Variants in KCNN4 observed in about 807,000 individuals in gnomAD.
KCNN4 encodes the protein intermediate conductance calcium-activated potassium channel protein 4.
A neutral mutation model predicts 45.2 loss-of-function variants in KCNN4; 31 were observed. That is an observed-to-expected ratio of 0.69 (90% CI 0.52 to 0.92). The LOEUF (loss-of-function observed/expected upper bound fraction) is 0.92. KCNN4 is among the 40% of genes least tolerant of loss of function. The pLI is 0.00. For synonymous variants in KCNN4, 231 were observed against 254.6 expected, an observed-to-expected ratio of 0.91 and a Z score of 0.88; for missense variants, 463 against 574.0, an observed-to-expected ratio of 0.81 and a Z score of 1.98.
intron 1 of KCNN4, among the ~76,000 whole-genome samples, chr19:43,777,959 G>A (rs1462605895): frequency 6.6e-6 from 1 of 152,166 alleles, no homozygotes; most frequent in Non-Finnish European, 1.5e-5. Flanking sequence ...CCCCCTATCA[G>A]AACAATAGTG....
intron 7 of KCNN4, 45 bp from the exon 8 acceptor site, chr19:43,767,752 C>G: frequency 6.2e-7 from 1 of 1,609,546 alleles, no homozygotes. Flanking sequence ...TGGGGTCGAC[C>G]CCCACCTACT....
intron 2 of KCNN4, 124 bp downstream of exon 2, chr19:43,776,417 G>A (rs891320175): frequency 4.2e-5 from 29 of 696,362 alleles, no homozygotes; most frequent in Non-Finnish European, 6.0e-5. Flanking sequence ...GGGTGTGGAC[G>A]CAGCACCTAG....
rs76935412 is a variant in KCNN4, at chr19:43,769,473, G to T, written c.1018C>A (p.His340Asn). Residue 340 changes from histidine (H) to asparagine (N), a missense_variant, in exon 6 of 9, where the codon CAT becomes AAT. Coordinates refer to ENST00000648319, the MANE Select transcript of KCNN4 (RefSeq NM_002250.3). This position sits in a 1 kb window ranked among gnomAD's most constrained non-coding sequence, Gnocchi z 4.4. ...ATGGCGGCCAGCAGCTTGCGCTGAT[G>T]CCTGCGGGCAGCATGAGACTCCTTC... ...RRKESHAARR[H>N]QRKLLAAINA... 1.2e-3 allele frequency: 1,927 copies of T among 1,614,232 alleles called. 4 individuals carry two copies. The highest frequency in any genetic ancestry group is 8.6e-3 in the Middle Eastern group (52 of 6,062).
chr19:43,770,945 G>C (rs570996988), intron 4 of KCNN4, among the ~76,000 whole-genome samples: 1 of 152,284 alleles, frequency 6.6e-6, no homozygotes, highest in South Asian at 2.1e-4. Context: ...TTGCTCCAAA[G>C]ACTCACCACT....
At chr19:43,776,992 C>T (rs1969827720) in intron 1 of KCNN4, among the ~76,000 whole-genome samples, 1 of 151,992 alleles carries the variant, frequency 6.6e-6, no homozygotes, top group Non-Finnish European at 1.5e-5. Flanking sequence ...GCTGAGGAAC[C>T]AGAATCTTGA....
intron 4 of KCNN4, among the ~76,000 whole-genome samples, chr19:43,770,096 T>C (rs1969602221): frequency 6.6e-6 from 1 of 152,100 alleles, no homozygotes; most frequent in Non-Finnish European, 1.5e-5. Context: ...AGAGGAAGGC[T>C]GGGTTCTGAG....
Position 43,774,851 on chromosome 19 carries a change from A to G in KCNN4, c.256-232T>C, listed in dbSNP as rs574781754. 6.6e-6 allele frequency among the ~76,000 whole-genome samples: 1 copy of G among 152,200 alleles called. No individual in the cohort carries two copies. Among genetic ancestry groups the G allele is most frequent in the African/African-American group, 2.4e-5 (1 of 41,524 alleles). On this transcript the variant is annotated intron_variant, in intron 2 of 8. Transcript: ENST00000648319. The surrounding 1 kb of genome is among the most constrained non-coding windows in gnomAD (Gnocchi z 5.6). ...ACCCCACTAGTTTCAGCCCACTTCC[A>G]GCCTTTGAACACTGACTGAGCGCCG...
Position 43,774,652 on chromosome 19 carries a change from G to T in KCNN4, c.256-33C>A. On this transcript the variant is annotated intron_variant, in intron 2 of 8. Coordinates refer to ENST00000648319, the MANE Select transcript of KCNN4 (RefSeq NM_002250.3). This position sits in a 1 kb window ranked among gnomAD's most constrained non-coding sequence, Gnocchi z 5.6. The stretch of plus-strand genomic sequence containing the variant: ...TAGGGGGCCAAGAAGGGAGGGGTCA[G>T]GAGCAGGTCAGGCGCAGGTCAGGCG... 11 of 1,473,116 alleles carry T rather than the reference G, an allele frequency of 7.5e-6. No homozygotes were observed. The highest frequency in any genetic ancestry group is 9.8e-6 in the Non-Finnish European group (11 of 1,120,686). The allele number at this position is 1,473,116 out of a possible 1,614,324, so 91.3% of individuals were successfully genotyped here. A position where few individuals can be genotyped will look rare whatever the true frequency, so the allele number is the denominator to read the frequency against.
Position 43,774,357 on chromosome 19 carries a change from A to C in KCNN4, c.518T>G (p.Val173Gly). 6.2e-7 allele frequency: 1 copy of C among 1,608,940 alleles called. No homozygotes were observed. Among genetic ancestry groups the C allele is most frequent in the South Asian group, 1.1e-5 (1 of 90,288 alleles). Residue 173 changes from valine (V) to glycine (G), a missense_variant, in exon 3 of 9, where the codon GTC (valine) becomes GGC (glycine). Val to Gly is a moderately radical substitution (Grantham distance 109). Transcript: ENST00000648319. This position sits in a 1 kb window ranked among gnomAD's most constrained non-coding sequence, Gnocchi z 5.6. ...VPRAVLLRSG[V>G]LLNASYRSIG... The stretch of plus-strand genomic sequence containing the variant: ...GCTGCGGTAGGAAGCGTTGAGCAGG[A>C]CGCCGCTGCGCAGGAGCACGGCGCG...
intron 2 of KCNN4, among the ~76,000 whole-genome samples, chr19:43,775,021 A>T (rs934637007): frequency 7.2e-5 from 11 of 152,168 alleles, no homozygotes; most frequent in Non-Finnish European, 1.5e-4. Flanking sequence ...TGTAATAATA[A>T]TATCAGCAAT....
intron 1 of KCNN4, 187 bp from the exon 2 acceptor site, chr19:43,776,823 T>G: frequency 1.7e-6 from 1 of 586,998 alleles, no homozygotes; most frequent in Non-Finnish European, 3.1e-6. Flanking sequence ...CTGGGCCCAG[T>G]GCGGTGGCTC....
rs117506311 is a variant in KCNN4, at chr19:43,778,535, G to A, written c.160-1899C>T. Among the ~76,000 whole-genome samples, 29 of 152,282 alleles carry A rather than the reference G, an allele frequency of 1.9e-4. No homozygotes were observed. In the East Asian group the frequency reaches 5.4e-3, roughly 28 times the overall value. On this transcript the variant is annotated intron_variant, in intron 1 of 8. Transcript: ENST00000648319. Reference sequence around the variant, plus strand: ...ATTACAGGCGTGAGCCACCGCGCCCGGCCCTCTATTGTCTTTTCTAACGCT... The same window carrying A: ...ATTACAGGCGTGAGCCACCGCGCCCAGCCCTCTATTGTCTTTTCTAACGCT...
At chr19:43,780,379 C>CAAG (rs1969938909) in intron 1 of KCNN4, among the ~76,000 whole-genome samples, 5 of 138,292 alleles carry the variant, frequency 3.6e-5, no homozygotes, top group East Asian at 2.1e-4. Flanking sequence ...TCCAGGAGTC[C>CAAG]TGACCCCCAG....
Position 43,767,633 on chromosome 19 carries a change from C to A in KCNN4, c.1194G>T (p.Thr398=). ...TCAGGGCATCCAGCTTCCCCGCCAG[C>A]GTGTCAATCTGTTTCTCCAGGGCCC... ...SHRALEKQID[T]LAGKLDALTE... is the part of the protein sequence containing the mutation. The change falls in exon 8 of 9, where the codon ACG becomes ACT. Residue 398 remains threonine, a synonymous_variant. Coordinates refer to ENST00000648319, the MANE Select transcript of KCNN4 (RefSeq NM_002250.3). 1 of 1,614,156 alleles carries A rather than the reference C, an allele frequency of 6.2e-7. No homozygotes were observed. The highest frequency in any genetic ancestry group is 8.5e-7 in the Non-Finnish European group (1 of 1,180,042).
chr19:43,775,614 G>A (rs745472417), intron 2 of KCNN4, among the ~76,000 whole-genome samples: 1 of 152,114 alleles, frequency 6.6e-6, no homozygotes, highest in African/African-American at 2.4e-5. Context: ...TCATAGAATT[G>A]CCACACATGG....
chr19:43,779,370 C>A (rs1035556123), intron 1 of KCNN4, among the ~76,000 whole-genome samples: 1 of 151,806 alleles, frequency 6.6e-6, no homozygotes, highest in South Asian at 2.1e-4. Flanking sequence ...CCCCTCAGTG[C>A]CCGCCGCCTG....
In KCNN4 at chr19:43,774,624, C is replaced by G. The variant is rs774352151; in HGVS notation, c.256-5G>C. ...CCCGTTGTCGGTCATGAACAGCTGC[C>G]GGTAGGGGGCCAAGAAGGGAGGGGT... On this transcript the variant is annotated splice_polypyrimidine_tract_variant and splice_region_variant and intron_variant, in intron 2 of 8. Coordinates refer to ENST00000648319, the MANE Select transcript of KCNN4 (RefSeq NM_002250.3). The surrounding 1 kb of genome is among the most constrained non-coding windows in gnomAD (Gnocchi z 5.6). The G allele has an allele frequency of 4.0e-6, 6 of 1,490,600 alleles. No homozygotes were observed. Among genetic ancestry groups the G allele is most frequent in the East Asian group, 4.7e-5 (2 of 42,704 alleles). The allele number at this position is 1,490,600 out of a possible 1,614,324, so 92.3% of individuals were successfully genotyped here.
rs1969667386 is a variant in KCNN4 at position 43,772,395 on chromosome 19, A to T, written c.684-260T>A. On this transcript the variant is annotated intron_variant, in intron 3 of 8. Coordinates refer to ENST00000648319, the MANE Select transcript of KCNN4 (RefSeq NM_002250.3). This position sits in a 1 kb window ranked among gnomAD's most constrained non-coding sequence, Gnocchi z 4.4. Reference sequence around the variant, plus strand: ...TGGGATTTGAGACTGGGTCTGGCCAATCCCAATGCCGGTATGGTCTCAGCT... The same window carrying T: ...TGGGATTTGAGACTGGGTCTGGCCATTCCCAATGCCGGTATGGTCTCAGCT... 6.6e-6 allele frequency among the ~76,000 whole-genome samples: 1 copy of T among 152,136 alleles called. No individual in the cohort carries two copies.
intron 1 of KCNN4, among the ~76,000 whole-genome samples, chr19:43,777,527 C>T (rs1387680552): frequency 3.3e-5 from 5 of 152,068 alleles, no homozygotes; most frequent in Non-Finnish European, 4.4e-5. Context: ...GGGCTGAGTC[C>T]CTGAGACCCA....
Sources: gnomAD v4.1 joint callset for allele counts (sites outside exome capture counted in the v4.1 genomes callset) on GRCh38, gnomAD v4.1.1 for gene constraint, Gnocchi (gnomAD v3.1) non-coding constraint, MANE v1.5 for transcripts, NCBI Gene and HGNC (gene_info 2026-07-23, HGNC 2026-07-21) for gene names.